The following CRTAP variants were observed in gnomAD, a reference collection of about 807,000 sequenced individuals.
CRTAP encodes cartilage-associated protein.
CRTAP carries 33 observed loss-of-function variants against 42.7 expected under a neutral mutation model. The observed-to-expected ratio is 0.77, with a 90% CI of 0.59 to 1.03. The LOEUF is 1.03. Among genes scored for constraint, CRTAP ranks in the 50% least tolerant of loss-of-function variants. The pLI, the probability that CRTAP is intolerant of heterozygous loss-of-function variation, is 0.00. For missense variants in CRTAP, 613 were observed against 533.9 expected (o/e 1.15, Z -1.46); for synonymous variants, 243 against 217.7 (o/e 1.12, Z -1.02).
Position 33,114,392 on chromosome 3 carries a change from G to A in CRTAP, c.315G>A (p.Glu105=). The A allele has an allele frequency of 6.5e-7, 1 of 1,535,550 alleles. No individual in the cohort carries two copies. The highest frequency in any genetic ancestry group is 8.7e-7 in the Non-Finnish European group (1 of 1,146,420). ...EPAAGLASYP[E]LRLFGGLLRR... Reference sequence around the variant, plus strand: ...CCGCCGGCCTCGCCAGCTATCCCGAGCTGCGCCTCTTCGGGGGCCTGCTGC... The same window carrying A: ...CCGCCGGCCTCGCCAGCTATCCCGAACTGCGCCTCTTCGGGGGCCTGCTGC... Residue 105 remains glutamate (E), a synonymous_variant, in exon 1 of 7, where the codon GAG becomes GAA. Coordinates refer to ENST00000320954, the MANE Select transcript of CRTAP (RefSeq NM_006371.5).
chr3:33,136,451 C>T (rs1416532832), intron 6 of CRTAP, among the ~76,000 whole-genome samples: 1 of 152,310 alleles, frequency 6.6e-6, no homozygotes, highest in East Asian at 1.9e-4. Flanking sequence ...ATTTTTGCAT[C>T]ACTGTAAAGA....
At chr3:33,132,234 C>T (rs2030287879) in intron 4 of CRTAP, among the ~76,000 whole-genome samples, 1 of 152,194 alleles carries the variant, frequency 6.6e-6, no homozygotes, top group African/African-American at 2.4e-5. Flanking sequence ...TCCCTATCTC[C>T]CTCAGCCCCA....
chr3:33,115,752 T>C (rs1701334847), intron 1 of CRTAP, among the ~76,000 whole-genome samples: 1 of 152,028 alleles, frequency 6.6e-6, no homozygotes, highest in East Asian at 1.9e-4. Flanking sequence ...GACTGCAAGA[T>C]CTGTTTTTTC....
In CRTAP at chr3:33,141,037, G is replaced by A. The variant is rs112513119; in HGVS notation, c.1153-1358G>A. Among the ~76,000 whole-genome samples, 677 of 152,204 alleles carry A rather than the reference G, an allele frequency of 4.4e-3. 8 individuals are homozygous for A. The highest frequency in any genetic ancestry group is 0.015 in the African/African-American group (628 of 41,512). On this transcript the variant is annotated intron_variant, in intron 6 of 6. Transcript: ENST00000320954. The stretch of plus-strand genomic sequence containing the variant: ...GTTTTTGTTTTTGTTTTTGGCCAAA[G>A]GCAATTGCCCAGAGAAGGGGCAGCT...
At chr3:33,125,491 G>GTTTTTTTT (rs60498778) in intron 3 of CRTAP, among the ~76,000 whole-genome samples, 28 of 30,132 alleles carry the variant, frequency 9.3e-4, no homozygotes, top group Admixed American at 2.5e-3. Flanking sequence ...TACAAAGTAG[G>GTTTTTTTT]TTTTTTTTTT....
intron 2 of CRTAP, among the ~76,000 whole-genome samples, chr3:33,123,412 TATC>T (rs1473757764): frequency 2.0e-5 from 3 of 151,978 alleles, no homozygotes; most frequent in Non-Finnish European, 4.4e-5. Context: ...GTGAGTGAGT[TATC>T]ATGAGACCTA....
In CRTAP at chr3:33,124,512, G is replaced by A; in HGVS notation, c.726G>A (p.Glu242=). 1.2e-6 allele frequency: 2 copies of A among 1,614,220 alleles called. No individual in the cohort carries two copies. Among genetic ancestry groups the A allele is most frequent in the Non-Finnish European group, 1.7e-6 (2 of 1,180,046 alleles). Residue 242 remains glutamate, a synonymous_variant, in exon 3 of 7, where the codon GAG becomes GAA. Transcript: ENST00000320954. ...CCGACTTCTTCAAAGCCTTTTACGA[G>A]TGTCTCGCAGCCTGCGAGGGTTCCA... is the stretch of plus-strand genomic sequence containing the variant. ...ALPDFFKAFY[E]CLAACEGSRE...
At chr3:33,133,788 C>A (rs1371341024) in intron 5 of CRTAP, among the ~76,000 whole-genome samples, 1 of 152,134 alleles carries the variant, frequency 6.6e-6, no homozygotes, top group East Asian at 1.9e-4. Flanking sequence ...TCATTTAATT[C>A]CCTTGATAGG....
chr3:33,127,939 C>T (rs1000472009), intron 3 of CRTAP, among the ~76,000 whole-genome samples: 6 of 151,092 alleles, frequency 4.0e-5, no homozygotes, highest in South Asian at 2.1e-4. Context: ...GTAGAGACAG[C>T]GTTTTGCTGT....
Position 33,142,387 on chromosome 3 carries a change from T to C in CRTAP, c.1153-8T>C, listed in dbSNP as rs200397785. On this transcript the variant is annotated splice_region_variant and splice_polypyrimidine_tract_variant and intron_variant, in intron 6 of 6. Transcript: ENST00000320954. ...CATTTAATAAAGTTGTCCTGTTGTC[T>C]CTTACAGGGAGAAGTTGTGGAATAT... The C allele has an allele frequency of 4.0e-4, 641 of 1,613,314 alleles. No individual in the cohort carries two copies. The highest frequency in any genetic ancestry group is 5.0e-4 in the Non-Finnish European group (584 of 1,179,326).
In CRTAP at chr3:33,114,349, CGCCGCAGCCCGA is replaced by C; in HGVS notation, c.276_287del (p.Gln93_Pro96del). ...TTCTGCCACCGCAACTGCAGCGCCG[CGCCGCAGCCCGA>C]GCCCGCCGCCGGCCTCGCCAGCTAT... On this transcript the variant is annotated inframe_deletion, in exon 1 of 7. Coordinates refer to ENST00000320954, the MANE Select transcript of CRTAP (RefSeq NM_006371.5). The C allele has an allele frequency of 6.6e-7, 1 of 1,525,058 alleles. No homozygotes were observed. 94.5% of individuals were successfully genotyped at this position (1,525,058 alleles called of 1,614,324 possible).
At chr3:33,129,165 G>A (rs1427123606) in intron 3 of CRTAP, among the ~76,000 whole-genome samples, 1 of 152,116 alleles carries the variant, frequency 6.6e-6, no homozygotes, top group Non-Finnish European at 1.5e-5. Flanking sequence ...TAGACAGCTG[G>A]GTTGGAAAAT....
chr3:33,118,581 A>G (rs1333802569), intron 1 of CRTAP, among the ~76,000 whole-genome samples: 2 of 152,376 alleles, frequency 1.3e-5, no homozygotes, highest in South Asian at 2.1e-4. Context: ...GATATATGCC[A>G]TCCTATGACT....
intron 6 of CRTAP, among the ~76,000 whole-genome samples, chr3:33,137,061 A>AAG (rs2030440063): frequency 1.4e-5 from 2 of 140,346 alleles, no homozygotes; most frequent in African/African-American, 5.0e-5. Context: ...AACAAAACTT[A>AAG]ATATTGTCTT....
At chr3:33,116,322 A>G (rs1164104372) in intron 1 of CRTAP, among the ~76,000 whole-genome samples, 1 of 152,172 alleles carries the variant, frequency 6.6e-6, no homozygotes, top group Non-Finnish European at 1.5e-5. Flanking sequence ...ACAATCACTT[A>G]GTTGAAAGTC....
chr3:33,137,372 C>T (rs751578236), intron 6 of CRTAP, among the ~76,000 whole-genome samples: 2 of 152,156 alleles, frequency 1.3e-5, no homozygotes, highest in African/African-American at 2.4e-5. Context: ...AACTCCTGAC[C>T]TCAGGCGATC....
chr3:33,127,857 C>A (rs2030126323), intron 3 of CRTAP, among the ~76,000 whole-genome samples: 1 of 152,182 alleles, frequency 6.6e-6, no homozygotes. Context: ...AGCAATTCTC[C>A]TGCCTCAGCC....
intron 6 of CRTAP, among the ~76,000 whole-genome samples, chr3:33,137,021 G>C (rs2030438922): frequency 1.3e-5 from 2 of 152,078 alleles, no homozygotes; most frequent in African/African-American, 4.8e-5. Flanking sequence ...CATCAGCAGT[G>C]TATGAGAGTT....
chr3:33,132,228 T>C (rs972829505), intron 4 of CRTAP, among the ~76,000 whole-genome samples: 5 of 152,196 alleles, frequency 3.3e-5, no homozygotes, highest in African/African-American at 1.2e-4. Context: ...ACATCCTCCC[T>C]ATCTCCCTCA....
Sources: allele counts gnomAD v4.1 joint callset (sites outside exome capture counted in the v4.1 genomes callset), GRCh38; gene constraint gnomAD v4.1.1; transcripts MANE v1.5; gene names NCBI Gene and HGNC (gene_info 2026-07-23, HGNC 2026-07-21).